The following MYH6 variants were observed in gnomAD, a reference collection of about 807,000 sequenced individuals.
MYH6 encodes myosin-6.
A neutral mutation model predicts 223.2 loss-of-function variants in MYH6; 126 were observed. The observed-to-expected ratio is 0.56, with a 90% CI of 0.49 to 0.65. MYH6 has a LOEUF of 0.65. MYH6 is among the 30% of genes least tolerant of loss of function. MYH6 has a pLI of 0.00. For synonymous variants in MYH6, 978 were observed against 1,010.2 expected, an observed-to-expected ratio of 0.97 and a Z score of 0.61; for missense variants, 2,040 against 2,536.4, an observed-to-expected ratio of 0.80 and a Z score of 4.20.
chr14:23,386,771 C>T (rs1891040742), intron 32 of MYH6, 148 bp from the exon 33 acceptor site: 3 of 983,892 alleles, frequency 3.0e-6, no homozygotes, highest in Non-Finnish European at 4.4e-6. Flanking sequence ...ACCCCATGCC[C>T]ACCACGGTGC....
At position 23,397,157 on chromosome 14, in the gene MYH6, TCTC is replaced by T; in HGVS notation, c.2050+10_2050+12del. 1.8e-5 allele frequency: 29 copies of T among 1,614,140 alleles called. No homozygotes were observed. The highest frequency in any genetic ancestry group is 2.5e-5 in the Non-Finnish European group (29 of 1,180,030). On this transcript the variant is annotated intron_variant, in intron 17 of 38. Transcript: ENST00000405093. The stretch of plus-strand genomic sequence containing the variant: ...AGCTGTCCTCCCCAGACTAAGGTCT[TCTC>T]CTGGCTCACCTGGAGCCTTCCGCTC...
In MYH6 at chr14:23,382,511, G is replaced by A; in HGVS notation, c.5713C>T (p.Leu1905=). ...TCCGCCCGCTCCTCTGCCTCATCCA[G>A]CTCATGCTGCACCTTGCGGAACTTG... The part of the protein sequence containing the change: ...LSKFRKVQHE[L]DEAEERADIA... The change falls in exon 38 of 39, where the codon CTG becomes TTG. Residue 1905 remains leucine, a synonymous_variant. Transcript: ENST00000405093. 6.2e-7 allele frequency: 1 copy of A among 1,614,190 alleles called. No homozygotes were observed. Among genetic ancestry groups the A allele is most frequent in the South Asian group, 1.1e-5 (1 of 91,080 alleles).
intron 11 of MYH6, 39 bp downstream of exon 11, chr14:23,402,658 T>C (rs965677216): frequency 2.5e-6 from 4 of 1,613,060 alleles, no homozygotes; most frequent in African/African-American, 2.7e-5. Context: ...CAGGAGCTCC[T>C]GGGGTCCCTC....
intron 3 of MYH6, among the ~76,000 whole-genome samples, chr14:23,406,299 G>A (rs1198160451): frequency 2.0e-5 from 3 of 152,312 alleles, no homozygotes; most frequent in Non-Finnish European, 1.5e-5. Context: ...ATTAGATCCT[G>A]CCAGTAGGTA....
rs79618123 is a variant in MYH6, at chr14:23,408,270, C to G, written c.-64G>C. 1,551 of 985,448 alleles carry G rather than the reference C, an allele frequency of 1.6e-3. 13 individuals carry two copies. The African/African-American group carries it at 0.024, about 15-fold the overall frequency. The allele number at this position is 985,448 out of a possible 1,614,324, so 61.0% of individuals were successfully genotyped here. The stretch of plus-strand genomic sequence containing the variant: ...CCTCTTACCTGGGCCGCAGGAGTCT[C>G]TCTATCTGTCCTCAAAGCTCCAGTT... On this transcript the variant is annotated 5_prime_UTR_variant, in exon 1 of 39. Coordinates refer to ENST00000405093, the MANE Select transcript of MYH6 (RefSeq NM_002471.4).
In MYH6 at chr14:23,405,499, G is replaced by C; in HGVS notation, c.346-120C>G. 6.3e-7 allele frequency: 1 copy of C among 1,592,846 alleles called. No homozygotes were observed. On this transcript the variant is annotated intron_variant, in intron 4 of 38. Transcript: ENST00000405093. This position sits in a 1 kb window ranked among gnomAD's most constrained non-coding sequence, Gnocchi z 4.7. ...GCTCTACTCCTCCTGCAGCTGACTA[G>C]GGGTGGAGGGGGGAAGGGGACTTGG... is the stretch of plus-strand genomic sequence containing the variant.
chr14:23,383,339 G>GGGGGCCCCCCC lies in MYH6; in HGVS notation c.5566-20_5566-19insGGGGGGGCCCC. The GGGGGCCCCCCC allele has an allele frequency of 2.8e-5, 3 of 108,166 alleles. No individual in the cohort carries two copies. The highest frequency in any genetic ancestry group is 7.5e-5 in the South Asian group (1 of 13,332). 6.7% of individuals were successfully genotyped at this position (108,166 alleles called of 1,614,324 possible). ...CCTCTGTCTGGGGGTGGGAGGGTGG[G>GGGGGCCCCCCC]AGAAGCTGGTTTGGAGGGGGAGCAA... On this transcript the variant is annotated intron_variant, in intron 36 of 38. Coordinates refer to ENST00000405093, the MANE Select transcript of MYH6 (RefSeq NM_002471.4).
Position 23,389,518 on chromosome 14 carries a change from G to A in MYH6, c.3860-7C>T. 6.2e-7 allele frequency: 1 copy of A among 1,614,242 alleles called. No individual in the cohort carries two copies. Among genetic ancestry groups the A allele is most frequent in the Non-Finnish European group, 8.5e-7 (1 of 1,180,046 alleles). ...AGCTGCCGGGCCAACTCTCCTGGAG[G>A]TGAAATGAGGGGCTTGTGGGCCATT... On this transcript the variant is annotated splice_polypyrimidine_tract_variant and splice_region_variant and intron_variant, in intron 27 of 38. Transcript: ENST00000405093.
rs778318391 is a variant in MYH6, at chr14:23,400,272, A to G, written c.1565T>C (p.Ile522Thr). 2 of 1,614,220 alleles carry G rather than the reference A, an allele frequency of 1.2e-6. No homozygotes were observed. The highest frequency in any genetic ancestry group is 8.5e-7 in the Non-Finnish European group (1 of 1,180,034). ...IDFGMDLQAC[I>T]DLIEKPMGIM... ...AGGAGGCACCTTCTCGATGAGGTCA[A>G]TGCAGGCCTGCAGGTCCATGCCAAA... is the stretch of plus-strand genomic sequence containing the variant. The change falls in exon 14 of 39, where the codon ATT becomes ACT. Residue 522 changes from isoleucine to threonine, a missense_variant. Transcript: ENST00000405093.
Position 23,389,498 on chromosome 14 carries a change from C to T in MYH6, c.3873G>A (p.Arg1291=). 6.2e-7 allele frequency: 1 copy of T among 1,614,228 alleles called. No individual in the cohort carries two copies. The highest frequency in any genetic ancestry group is 8.5e-7 in the Non-Finnish European group (1 of 1,180,038). Residue 1291 remains arginine (R), a synonymous_variant, in exon 28 of 39, where the codon CGG becomes CGA. Transcript: ENST00000405093. Reference sequence around the variant, plus strand: ...TTAGCGCCTCCTTTTCCTCTAGCTGCCGGGCCAACTCTCCTGGAGGTGAAA... The same window carrying T: ...TTAGCGCCTCCTTTTCCTCTAGCTGTCGGGCCAACTCTCCTGGAGGTGAAA... The part of the protein sequence containing the change: ...KLQTENGELA[R]QLEEKEALIS...
intron 15 of MYH6, 79 bp from the exon 16 acceptor site, chr14:23,397,692 C>T (rs1314238421): frequency 1.1e-5 from 15 of 1,418,408 alleles, no homozygotes; most frequent in Middle Eastern, 1.8e-4. Context: ...CTCTGCTGCT[C>T]GCTTGGTAGC....
intron 34 of MYH6, 45 bp from the exon 35 acceptor site, chr14:23,385,086 G>T: frequency 1.9e-6 from 3 of 1,612,220 alleles, no homozygotes; most frequent in Non-Finnish European, 1.7e-6. Context: ...ACTACACTTT[G>T]TTACCTGATT....
At chr14:23,394,591 A>G (rs1387093929) in intron 20 of MYH6, among the ~76,000 whole-genome samples, 3 of 152,202 alleles carry the variant, frequency 2.0e-5, no homozygotes, top group Non-Finnish European at 2.9e-5. Flanking sequence ...CTATTCTCAT[A>G]AGAACTTCAA....
intron 6 of MYH6, 138 bp downstream of exon 6, chr14:23,404,962 G>A: frequency 6.6e-7 from 1 of 1,503,922 alleles, no homozygotes; most frequent in Non-Finnish European, 9.2e-7. Flanking sequence ...TCATTGCTCT[G>A]GCACCCCTCT....
rs1157704968 is a variant in MYH6, at chr14:23,387,389, T to A, written c.4650+140A>T. 6 of 1,368,844 alleles carry A rather than the reference T, an allele frequency of 4.4e-6. No homozygotes were observed. The Admixed American group carries it at 1.0e-4, about 24-fold the overall frequency. 84.8% of individuals were successfully genotyped at this position (1,368,844 alleles called of 1,614,324 possible). A position where few individuals can be genotyped will look rare whatever the true frequency, so the allele number is the denominator to read the frequency against. ...TGGCTTTGGAGGCAGTCATGGGTAGTGAATAGTGGGTAGATAATGTTGAAC... is the reference window on the plus strand; with the variant it reads ...TGGCTTTGGAGGCAGTCATGGGTAGAGAATAGTGGGTAGATAATGTTGAAC... On this transcript the variant is annotated intron_variant, in intron 32 of 38. Transcript: ENST00000405093.
chr14:23,383,518 C>T (rs546193916), intron 36 of MYH6, among the ~76,000 whole-genome samples, 198 bp from the exon 37 acceptor site: 4 of 152,206 alleles, frequency 2.6e-5, no homozygotes, highest in African/African-American at 9.6e-5. Context: ...GTCAGGGATC[C>T]ACAGAGCAAT....
Position 23,389,573 on chromosome 14 carries a change from G to T in MYH6, c.3859+20C>A, listed in dbSNP as rs747643607. ...AAGTCATGTCCTGCCCTAGGCAGGG[G>T]GTTGGTTAGGGGCACCCACCATTCT... On this transcript the variant is annotated intron_variant, in intron 27 of 38. Coordinates refer to ENST00000405093, the MANE Select transcript of MYH6 (RefSeq NM_002471.4). 32 of 1,614,096 alleles carry T rather than the reference G, an allele frequency of 2.0e-5. 1 individual carries two copies. In the Admixed American group the frequency reaches 5.3e-4, roughly 27 times the overall value.
At chr14:23,401,832 G>A (rs1740416550) in intron 12 of MYH6, among the ~76,000 whole-genome samples, 1 of 152,206 alleles carries the variant, frequency 6.6e-6, no homozygotes, top group Non-Finnish European at 1.5e-5. Context: ...TAGAGGAGGA[G>A]TTATTTGGTG....
At chr14:23,383,054 T>C (rs574999387) in intron 37 of MYH6, among the ~76,000 whole-genome samples, 171 bp downstream of exon 37, 5 of 152,334 alleles carry the variant, frequency 3.3e-5, no homozygotes, top group African/African-American at 9.6e-5. Context: ...GTGGTGCCTT[T>C]GTTAATTCAG....
Sources: allele counts gnomAD v4.1 joint callset (sites outside exome capture counted in the v4.1 genomes callset), GRCh38; gene constraint gnomAD v4.1.1; non-coding constraint Gnocchi (gnomAD v3.1); transcripts MANE v1.5; gene names NCBI Gene and HGNC (gene_info 2026-07-23, HGNC 2026-07-21).